Variants in NTN1 observed in about 807,000 individuals in gnomAD.
NTN1 encodes netrin-1.
In NTN1, 11 loss-of-function variants were observed where a neutral mutation model predicts 54.2. The observed-to-expected ratio is 0.20, with a 90% CI of 0.13 to 0.34. The LOEUF (loss-of-function observed/expected upper bound fraction) is 0.34, where lower values mean the gene tolerates loss of function less well. Ranked by LOEUF, NTN1 falls within the 10% of genes least tolerant of loss-of-function variation. The probability of loss-of-function intolerance (pLI) is 1.00; values close to 1 mark genes in which losing one functional copy is unlikely to be tolerated. For missense variants in NTN1, 740 were observed against 893.1 expected (o/e 0.83, Z 2.18); for synonymous variants, 371 against 382.0 (o/e 0.97, Z 0.33).
intron 2 of NTN1, among the ~76,000 whole-genome samples, chr17:9,147,763 CCT>C (rs1222035308): frequency 3.3e-5 from 5 of 152,090 alleles, no homozygotes; most frequent in African/African-American, 1.2e-4. Context: ...TCTGCCATCC[CCT>C]GTCTTATCCT....
intron 4 of NTN1, 27 bp downstream of exon 4, chr17:9,179,983 A>G: frequency 6.2e-7 from 1 of 1,600,422 alleles, no homozygotes. Flanking sequence ...CTGCTTTTCA[A>G]GTCTCTGGCT....
intron 2 of NTN1, among the ~76,000 whole-genome samples, chr17:9,131,786 T>C (rs2092266230): frequency 6.6e-6 from 1 of 151,986 alleles, no homozygotes; most frequent in African/African-American, 2.4e-5. Flanking sequence ...TTCGCCATGC[T>C]GGCCCTTGAT....
chr17:9,032,929 T>G (rs1461723075), intron 2 of NTN1, among the ~76,000 whole-genome samples: 12 of 151,280 alleles, frequency 7.9e-5, no homozygotes, highest in Admixed American at 7.9e-4. Context: ...AGGAAACTGC[T>G]TCTTGCTCCA....
chr17:9,068,842 G>A (rs953007688), intron 2 of NTN1, among the ~76,000 whole-genome samples: 1 of 152,070 alleles, frequency 6.6e-6, no homozygotes, highest in Non-Finnish European at 1.5e-5. Flanking sequence ...TCTTAAGTTA[G>A]ACCCTTGGGA....
At chr17:9,189,917 C>A (rs1207050141) in intron 5 of NTN1, among the ~76,000 whole-genome samples, 1 of 152,198 alleles carries the variant, frequency 6.6e-6, no homozygotes, top group Non-Finnish European at 1.5e-5. Flanking sequence ...AGCTCAGACC[C>A]TTGGGTCACA....
chr17:9,113,292 G>A (rs1410777344), intron 2 of NTN1, among the ~76,000 whole-genome samples: 1 of 151,998 alleles, frequency 6.6e-6, no homozygotes, highest in African/African-American at 2.4e-5. Flanking sequence ...AAAATGCTGG[G>A]ATTACAGGCA....
intron 6 of NTN1, among the ~76,000 whole-genome samples, chr17:9,226,454 T>TGTC (rs1325028443): frequency 3.2e-5 from 3 of 94,912 alleles, no homozygotes; most frequent in Non-Finnish European, 5.9e-5. Context: ...GTGGGGAGGC[T>TGTC]GTCTCGTGGG....
At chr17:9,098,964 A>G (rs914383261) in intron 2 of NTN1, among the ~76,000 whole-genome samples, 6 of 152,218 alleles carry the variant, frequency 3.9e-5, no homozygotes, top group South Asian at 2.1e-4. Flanking sequence ...TTCTTCTGGT[A>G]TATTTCCATT....
chr17:9,063,017 G>T (rs1168263183), intron 2 of NTN1, among the ~76,000 whole-genome samples: 1 of 151,730 alleles, frequency 6.6e-6, no homozygotes, highest in Non-Finnish European at 1.5e-5. Context: ...CCAGAGATGA[G>T]ACTATCTTTT....
intron 5 of NTN1, among the ~76,000 whole-genome samples, chr17:9,217,958 T>C (rs1226903204): frequency 6.6e-6 from 1 of 150,948 alleles, no homozygotes; most frequent in African/African-American, 2.4e-5. Context: ...GTGAGCACTC[T>C]CCAGTTTGAC....
chr17:9,219,025 A>G lies in NTN1; in HGVS notation c.1412-2143A>G, dbSNP rs977836866. Among the ~76,000 whole-genome samples, 1 of 152,224 alleles carries G rather than the reference A, an allele frequency of 6.6e-6. No individual in the cohort carries two copies. The highest frequency in any genetic ancestry group is 2.4e-5 in the African/African-American group (1 of 41,458). ...GCTTCCCTAAGTGGAGAAAGCAGGAAGGGATTTCAGCCAGCTCACGCAGAA... is the reference window on the plus strand; with the variant it reads ...GCTTCCCTAAGTGGAGAAAGCAGGAGGGGATTTCAGCCAGCTCACGCAGAA... On this transcript the variant is annotated intron_variant, in intron 5 of 6. Coordinates refer to ENST00000173229, the MANE Select transcript of NTN1 (RefSeq NM_004822.3). The surrounding 1 kb of genome is among the most constrained non-coding windows in gnomAD (Gnocchi z 4.5).
rs1019182566 is a variant in NTN1 at position 9,022,749 on chromosome 17, C to T, written c.376C>T (p.Leu126=). The T allele has an allele frequency of 6.2e-7, 1 of 1,609,234 alleles. No individual in the cohort carries two copies. Among genetic ancestry groups the T allele is most frequent in the Non-Finnish European group, 8.5e-7 (1 of 1,178,542 alleles). ...GACGTGCTGGCAGTCCGAGAACTAC[C>T]TGCAGTTCCCGCACAACGTCACGCT... ...NLTCWQSENY[L]QFPHNVTLTL... Residue 126 remains leucine, a synonymous_variant, in exon 2 of 7, where the codon CTG becomes TTG. Coordinates refer to ENST00000173229, the MANE Select transcript of NTN1 (RefSeq NM_004822.3).
intron 2 of NTN1, among the ~76,000 whole-genome samples, chr17:9,129,675 A>G (rs1454402737): frequency 6.6e-6 from 1 of 152,120 alleles, no homozygotes; most frequent in African/African-American, 2.4e-5. Context: ...TGTTTTCCAT[A>G]CTGTCACCTC....
chr17:9,006,407 A>G, the NTN1 span, among the ~76,000 whole-genome samples: 2 of 152,198 alleles, frequency 1.3e-5, no homozygotes, highest in African/African-American at 2.4e-5. Flanking sequence ...GGGCCCAGGC[A>G]GGAGGTGGTG....
the NTN1 span, among the ~76,000 whole-genome samples, chr17:9,006,943 C>A: frequency 6.6e-6 from 1 of 152,270 alleles, no homozygotes; most frequent in East Asian, 1.9e-4. Flanking sequence ...CACAATTTCA[C>A]TTCCAGCTTC....
chr17:9,169,606 T>C (rs2092381667), intron 3 of NTN1, among the ~76,000 whole-genome samples: 1 of 152,226 alleles, frequency 6.6e-6, no homozygotes, highest in Admixed American at 6.5e-5. Context: ...GGCTCACGCC[T>C]GTAATCCCAG....
intron 5 of NTN1, among the ~76,000 whole-genome samples, chr17:9,194,541 G>T (rs933493583): frequency 6.6e-6 from 1 of 152,208 alleles, no homozygotes; most frequent in Non-Finnish European, 1.5e-5. Flanking sequence ...CGACCTGGGG[G>T]CTGGAGATCT....
intron 2 of NTN1, among the ~76,000 whole-genome samples, chr17:9,162,451 G>GTC (rs141599299): frequency 6.6e-6 from 1 of 152,160 alleles, no homozygotes; most frequent in Non-Finnish European, 1.5e-5. Flanking sequence ...GCGTCCCTGC[G>GTC]TCTCTCTGTG....
At chr17:9,107,109 G>A (rs2092170071) in intron 2 of NTN1, among the ~76,000 whole-genome samples, 1 of 152,184 alleles carries the variant, frequency 6.6e-6, no homozygotes, top group African/African-American at 2.4e-5. Flanking sequence ...GGGGTATTAG[G>A]TAAAACTGTA....
Sources: allele counts gnomAD v4.1 joint callset (sites outside exome capture counted in the v4.1 genomes callset), GRCh38; gene constraint gnomAD v4.1.1; non-coding constraint Gnocchi (gnomAD v3.1); transcripts MANE v1.5; gene names NCBI Gene and HGNC (gene_info 2026-07-23, HGNC 2026-07-21).